The following CEACAM18 variants were observed in gnomAD, a reference collection of about 807,000 sequenced individuals.
The protein encoded by CEACAM18 is CEA cell adhesion molecule 18, also known as cell adhesion molecule CEACAM18.
A neutral mutation model predicts 34.3 loss-of-function variants in CEACAM18; 33 were observed. The ratio of observed to expected loss-of-function variants is 0.96; its 90% CI spans 0.73 to 1.29. The LOEUF is 1.29. Ranked by LOEUF, CEACAM18 falls within the 50% of genes most tolerant of loss-of-function variation. The pLI, the probability that CEACAM18 is intolerant of heterozygous loss-of-function variation, is 0.00. For missense variants in CEACAM18, 474 were observed against 485.0 expected (o/e 0.98, Z 0.21); for synonymous variants, 169 against 180.9 (o/e 0.93, Z 0.53).
At chr19:51,483,295 G>A (rs753905771) in exon 4 of CEACAM18, 2 of 1,613,724 alleles carry the variant, frequency 1.2e-6, no homozygotes, top group Non-Finnish European at 1.7e-6. Flanking sequence ...GGCCCCCCAT[G>A]AGTGCAGCAG....
rs773915525 is a variant in CEACAM18, at chr19:51,481,581, C to T, written c.589C>T (p.Arg197Cys). 5.5e-5 allele frequency: 89 copies of T among 1,613,840 alleles called. No individual in the cohort carries two copies. In the Admixed American group the frequency reaches 9.5e-4, roughly 17 times the overall value. Residue 197 changes from arginine to cysteine, a missense_variant, in exon 3 of 6, where the codon CGC becomes TGC. Coordinates refer to ENST00000396477, the Ensembl canonical transcript of CEACAM18. ...GACCCTCGTCATCCTCAGGGTCAGC[C>T]GCTATGACAGAACAATTCAGTGCAT...
chr19:51,489,720 T>C (rs1269549648), intron 5 of CEACAM18, among the ~76,000 whole-genome samples: 3 of 152,136 alleles, frequency 2.0e-5, no homozygotes, highest in Non-Finnish European at 4.4e-5. Context: ...CTAACACTGG[T>C]CCAAACCTCA....
chr19:51,482,887 T>C, intron 3 of CEACAM18, 130 bp from the exon 4 acceptor site: 1 of 991,298 alleles, frequency 1.0e-6, no homozygotes. Flanking sequence ...CACAGCTGCC[T>C]TGCCTGGGGC....
intron 1 of CEACAM18, among the ~76,000 whole-genome samples, chr19:51,479,531 G>A (rs1034041054): frequency 5.9e-5 from 9 of 152,310 alleles, no homozygotes; most frequent in Non-Finnish European, 8.8e-5. Flanking sequence ...AGTCCAGGGC[G>A]AGATATAGAT....
chr19:51,484,461 C>T (rs996204722), intron 4 of CEACAM18, among the ~76,000 whole-genome samples: 5 of 152,102 alleles, frequency 3.3e-5, no homozygotes, highest in South Asian at 2.1e-4. Flanking sequence ...TACAGGCACA[C>T]GCCACTGTGC....
chr19:51,478,611 G>T, upstream of CEACAM18: 2 of 1,572,462 alleles, frequency 1.3e-6, no homozygotes, highest in East Asian at 2.4e-5. Flanking sequence ...TCTCTGGAGG[G>T]ACCCCTCCTC....
chr19:51,481,773 C>A, intron 3 of CEACAM18, 108 bp downstream of exon 3: 2 of 1,142,756 alleles, frequency 1.8e-6, no homozygotes, highest in Non-Finnish European at 2.4e-6. Flanking sequence ...CATCCTGGGC[C>A]AGCCTGCAGC....
intron 4 of CEACAM18, among the ~76,000 whole-genome samples, chr19:51,484,557 G>A (rs1450403014): frequency 7.0e-6 from 1 of 142,322 alleles, no homozygotes; most frequent in Non-Finnish European, 1.6e-5. Context: ...CTTGACCTCA[G>A]GTGATCCACC....
chr19:51,480,746 G>A (rs1206342788), intron 2 of CEACAM18, 66 bp downstream of exon 2: 2 of 1,426,924 alleles, frequency 1.4e-6, no homozygotes, highest in Middle Eastern at 2.3e-4. Context: ...TTTGAGAGAA[G>A]GACATTATAC....
chr19:51,484,867 T>C (rs1989974521), intron 4 of CEACAM18, 120 bp from the exon 5 acceptor site: 2 of 1,259,086 alleles, frequency 1.6e-6, no homozygotes, highest in Non-Finnish European at 2.2e-6. Flanking sequence ...GGAACAGTGC[T>C]TTGCTGATAA....
intron 5 of CEACAM18, among the ~76,000 whole-genome samples, chr19:51,489,762 T>C (rs533500546): frequency 4.6e-5 from 7 of 152,130 alleles, no homozygotes; most frequent in Non-Finnish European, 1.0e-4. Flanking sequence ...TAAAGTAAGC[T>C]CTTAGTAGTA....
At chr19:51,484,666 C>A (rs1405036721) in intron 4 of CEACAM18, among the ~76,000 whole-genome samples, 1 of 152,152 alleles carries the variant, frequency 6.6e-6, no homozygotes, top group Non-Finnish European at 1.5e-5. Flanking sequence ...AGTTAATGAC[C>A]CTGTGTCACA....
chr19:51,479,568 G>A (rs1269410084), intron 1 of CEACAM18, among the ~76,000 whole-genome samples: 1 of 152,210 alleles, frequency 6.6e-6, no homozygotes, highest in Non-Finnish European at 1.5e-5. Flanking sequence ...AGGACCCCCA[G>A]AGGTCATGGC....
intron 5 of CEACAM18, among the ~76,000 whole-genome samples, chr19:51,485,643 C>A (rs1989986640): frequency 6.6e-6 from 1 of 152,178 alleles, no homozygotes; most frequent in Non-Finnish European, 1.5e-5. Flanking sequence ...ATGAACGGAG[C>A]AACAACTGCC....
intron 4 of CEACAM18, among the ~76,000 whole-genome samples, chr19:51,483,570 C>T (rs1175145420): frequency 7.1e-6 from 1 of 140,160 alleles, no homozygotes; most frequent in Non-Finnish European, 1.5e-5. Context: ...TTGTTCTAAC[C>T]TGTGTGACTC....
At chr19:51,490,322 T>A (rs1599947394) in intron 5 of CEACAM18, among the ~76,000 whole-genome samples, 1 of 152,182 alleles carries the variant, frequency 6.6e-6, no homozygotes, top group East Asian at 1.9e-4. Context: ...TGCCCACTCC[T>A]TCCTCAGCTT....
At chr19:51,482,928 G>T in intron 3 of CEACAM18, 89 bp from the exon 4 acceptor site, 1 of 1,510,806 alleles carries the variant, frequency 6.6e-7, no homozygotes. Context: ...GGTGCACAAT[G>T]GGGAACCTCC....
chr19:51,482,905 G>A (rs963091703), intron 3 of CEACAM18, 112 bp from the exon 4 acceptor site: 13 of 1,279,064 alleles, frequency 1.0e-5, no homozygotes, highest in Non-Finnish European at 1.3e-5. Flanking sequence ...GGCAGGTCTA[G>A]GGGTTAGCCC....
intron 1 of CEACAM18, 75 bp downstream of exon 1, chr19:51,478,769 G>A (rs906128446): frequency 8.0e-6 from 9 of 1,131,984 alleles, no homozygotes; most frequent in African/African-American, 1.6e-5. Flanking sequence ...GGCGGGGAGG[G>A]GGCTGGGACC....
Sources: allele counts gnomAD v4.1 joint callset (sites outside exome capture counted in the v4.1 genomes callset), GRCh38; gene constraint gnomAD v4.1.1; transcripts MANE v1.5; gene names NCBI Gene and HGNC (gene_info 2026-07-23, HGNC 2026-07-21).